SNAP23: variants seen among roughly 807,000 people sequenced by gnomAD.
SNAP23 encodes the protein synaptosomal-associated protein 23.
Under a neutral mutation model 29.0 loss-of-function variants are expected in SNAP23, and 11 were observed. That is an observed-to-expected ratio of 0.38 (90% CI 0.24 to 0.63). The LOEUF is 0.63. SNAP23 is among the 20% of genes least tolerant of loss of function. The pLI is 0.58. For missense variants in SNAP23, 220 were observed against 253.9 expected, an observed-to-expected ratio of 0.87 and a Z score of 0.91; for synonymous variants, 60 against 82.9, an observed-to-expected ratio of 0.72 and a Z score of 1.50.
At position 42,532,329 on chromosome 15, in the gene SNAP23, C is replaced by T. The variant is rs2057574147; in HGVS notation, c.*851C>T. The stretch of plus-strand genomic sequence containing the variant: ...CTTGGACTCCTGACGTCGTGATCCA[C>T]CCGCCTTGGCCTCCCAAAGTACTGG... On this transcript the variant is annotated 3_prime_UTR_variant, in exon 8 of 8. Coordinates refer to ENST00000249647, the MANE Select transcript of SNAP23 (RefSeq NM_003825.4). 1 of 152,162 alleles carries T rather than the reference C, an allele frequency of 6.6e-6. No individual in the cohort carries two copies. The highest frequency in any genetic ancestry group is 1.5e-5 in the Non-Finnish European group (1 of 68,044). The allele number at this position is 152,162 out of a possible 1,614,324, so 9.4% of individuals were successfully genotyped here.
At chr15:42,528,199 AATAATT>A (rs2057522825) in intron 5 of SNAP23, 57 bp from the exon 6 acceptor site, 13 of 1,430,464 alleles carry the variant, frequency 9.1e-6, no homozygotes, top group Non-Finnish European at 1.3e-5. Flanking sequence ...AACAGGCACT[AATAATT>A]AGAACTCTCC....
At chr15:42,516,110 A>T (rs958730840) in intron 5 of SNAP23, among the ~76,000 whole-genome samples, 48 of 151,398 alleles carry the variant, frequency 3.2e-4, no homozygotes, top group African/African-American at 1.2e-3. Flanking sequence ...ATTGGAGTGG[A>T]GTATAAAAAG....
intron 1 of SNAP23, among the ~76,000 whole-genome samples, chr15:42,501,316 T>C (rs1469446001): frequency 2.6e-5 from 4 of 152,236 alleles, no homozygotes; most frequent in Non-Finnish European, 4.4e-5. Flanking sequence ...TCCTTTTTGA[T>C]AATTTAATTT....
At chr15:42,527,611 T>G (rs2057516068) in intron 5 of SNAP23, among the ~76,000 whole-genome samples, 1 of 151,264 alleles carries the variant, frequency 6.6e-6, no homozygotes, top group South Asian at 2.1e-4. Context: ...CTCACGAGCC[T>G]GTAGTCCCAG....
intron 1 of SNAP23, among the ~76,000 whole-genome samples, chr15:42,508,748 A>C (rs1399083282): frequency 6.6e-6 from 1 of 152,072 alleles, no homozygotes; most frequent in Non-Finnish European, 1.5e-5. Flanking sequence ...TTTCCTAGGA[A>C]GCTAGCAAAG....
At chr15:42,502,188 C>T (rs1408539962) in intron 1 of SNAP23, among the ~76,000 whole-genome samples, 2 of 147,402 alleles carry the variant, frequency 1.4e-5, no homozygotes, top group Non-Finnish European at 3.0e-5. Flanking sequence ...CTACCACGCC[C>T]GGCTAATTTT....
intron 1 of SNAP23, among the ~76,000 whole-genome samples, chr15:42,498,083 G>C (rs1174573353): frequency 2.0e-5 from 3 of 152,210 alleles, no homozygotes; most frequent in African/African-American, 7.2e-5. Context: ...AGGCTGCTCT[G>C]CTGGGCTGGC....
Position 42,520,517 on chromosome 15 carries a change from T to C in SNAP23, c.266+5163T>C, listed in dbSNP as rs376743270. Among the ~76,000 whole-genome samples, 10 of 152,238 alleles carry C rather than the reference T, an allele frequency of 6.6e-5. No individual in the cohort carries two copies. In the East Asian group the frequency reaches 1.5e-3, roughly 24 times the overall value. ...TTTTTTTATTTTTATTTTTTTGAGA[T>C]GGTGTCTCGCTCTGTTGCCCAGGCT... On this transcript the variant is annotated intron_variant, in intron 5 of 7. Transcript: ENST00000249647.
At chr15:42,528,055 AT>A (rs1566820518) in intron 5 of SNAP23, 41 of 471,106 alleles carry the variant, frequency 8.7e-5, no homozygotes, top group South Asian at 1.6e-4. Flanking sequence ...CCTTTTTAAA[AT>A]TTTTTTTAGT....
chr15:42,501,455 A>G (rs561781186), intron 1 of SNAP23, among the ~76,000 whole-genome samples: 30 of 152,160 alleles, frequency 2.0e-4, no homozygotes, highest in Non-Finnish European at 1.2e-4. Context: ...GCTGGGGTGC[A>G]ATGGCATGAT....
intron 4 of SNAP23, among the ~76,000 whole-genome samples, chr15:42,514,937 G>A (rs956022808): frequency 1.3e-5 from 2 of 151,334 alleles, no homozygotes; most frequent in Non-Finnish European, 3.0e-5. Flanking sequence ...CCTGACCTCA[G>A]GTCATCGCCC....
At chr15:42,493,198 C>T (rs181259020), upstream of SNAP23, among the ~76,000 whole-genome samples, 44 of 151,824 alleles carry the variant, frequency 2.9e-4, no homozygotes, top group Middle Eastern at 3.4e-3. Flanking sequence ...AGAAATTAGC[C>T]GGCAGTGGTG....
intron 7 of SNAP23, among the ~76,000 whole-genome samples, chr15:42,530,501 T>G (rs1219200265): frequency 6.6e-6 from 1 of 152,210 alleles, no homozygotes; most frequent in Non-Finnish European, 1.5e-5. Context: ...AGCTCACACC[T>G]GTAATCTCAA....
upstream of SNAP23, among the ~76,000 whole-genome samples, chr15:42,492,490 C>T (rs1225717374): frequency 6.6e-6 from 1 of 151,480 alleles, no homozygotes; most frequent in Non-Finnish European, 1.5e-5. Context: ...CCATCCTGGC[C>T]AACATGGTGA....
rs1440344890 is a variant in SNAP23 at position 42,511,913 on chromosome 15, T to C, written c.57+10T>C. 1 of 1,551,674 alleles carries C rather than the reference T, an allele frequency of 6.4e-7. No homozygotes were observed. Among genetic ancestry groups the C allele is most frequent in the South Asian group, 1.2e-5 (1 of 84,316 alleles). On this transcript the variant is annotated intron_variant, in intron 2 of 7. Coordinates refer to ENST00000249647, the MANE Select transcript of SNAP23 (RefSeq NM_003825.4). Reference sequence around the variant, plus strand: ...CCAGATTACTGATGAGGTAAATGTTTTACCTAAAATAAGTAAATAATTCTA... The same window carrying C: ...CCAGATTACTGATGAGGTAAATGTTCTACCTAAAATAAGTAAATAATTCTA...
chr15:42,494,601 C>T (rs771107727), upstream of SNAP23, among the ~76,000 whole-genome samples: 64 of 151,672 alleles, frequency 4.2e-4, no homozygotes, highest in Admixed American at 1.4e-3. Flanking sequence ...CTGCAACCTC[C>T]GCCTCCCAGG....
Position 42,512,374 on chromosome 15 carries a change from C to CT in SNAP23, c.57+493dup, listed in dbSNP as rs5812224. ...AACTAAAAATGTAGTGATCAACTTA[C>CT]TTTTTTTTTTTTTTTTTTTTTTGAG... is the stretch of plus-strand genomic sequence containing the variant. On this transcript the variant is annotated intron_variant, in intron 2 of 7. Transcript: ENST00000249647. The CT allele has an allele frequency of 2.9e-3, 279 of 96,454 alleles. 4 individuals carry two copies. The highest frequency in any genetic ancestry group is 8.0e-3 in the African/African-American group (216 of 27,082). 6.0% of individuals were successfully genotyped at this position (96,454 alleles called of 1,614,324 possible).
At chr15:42,521,160 T>G (rs550820042) in intron 5 of SNAP23, among the ~76,000 whole-genome samples, 1 of 152,334 alleles carries the variant, frequency 6.6e-6, no homozygotes, top group South Asian at 2.1e-4. Flanking sequence ...CAATAAACAC[T>G]TGTTGATTTG....
intron 3 of SNAP23, 197 bp from the exon 4 acceptor site, chr15:42,513,202 C>CA (rs1305056230): frequency 1.3e-6 from 1 of 744,794 alleles, no homozygotes; most frequent in African/African-American, 1.7e-5. Flanking sequence ...AAGATGAATT[C>CA]ACTATGAGTT....
Sources: gnomAD v4.1 joint callset for allele counts (sites outside exome capture counted in the v4.1 genomes callset) on GRCh38, gnomAD v4.1.1 for gene constraint, MANE v1.5 for transcripts, NCBI Gene and HGNC (gene_info 2026-07-23, HGNC 2026-07-21) for gene names.